Variants in SLC24A2 observed in about 807,000 individuals in gnomAD.
SLC24A2 encodes solute carrier family 24 member 2.
A neutral mutation model predicts 62.0 loss-of-function variants in SLC24A2; 36 were observed. That is an observed-to-expected ratio of 0.58 (90% CI 0.44 to 0.77). The LOEUF is 0.77. Among genes scored for constraint, SLC24A2 ranks in the 30% least tolerant of loss-of-function variants. The pLI, the probability that SLC24A2 is intolerant of heterozygous loss-of-function variation, is 0.00. For missense variants in SLC24A2, 846 were observed against 817.9 expected (o/e 1.03, Z -0.42); for synonymous variants, 358 against 294.0 (o/e 1.22, Z -2.23).
At chr9:19,575,641 C>T (rs1191743695) in intron 6 of SLC24A2, among the ~76,000 whole-genome samples, 1 of 152,160 alleles carries the variant, frequency 6.6e-6, no homozygotes, top group African/African-American at 2.4e-5. Context: ...TCATTGAGAG[C>T]CCCAATAACA....
At chr9:19,904,538 C>T in the SLC24A2 span, among the ~76,000 whole-genome samples, 1 of 152,074 alleles carries the variant, frequency 6.6e-6, no homozygotes, top group Non-Finnish European at 1.5e-5. Context: ...TTTTCTTTGC[C>T]CATTTGAAAA....
At chr9:19,975,085 G>A in the SLC24A2 span, among the ~76,000 whole-genome samples, 1 of 152,060 alleles carries the variant, frequency 6.6e-6, no homozygotes, top group African/African-American at 2.4e-5. Flanking sequence ...GGAGGGTAAT[G>A]GAATAACCAA....
rs1187758568 is a variant in SLC24A2 at position 19,566,120 on chromosome 9, C to T, written c.1347+7231G>A. Among the ~76,000 whole-genome samples, 7 of 152,144 alleles carry T rather than the reference C, an allele frequency of 4.6e-5. No homozygotes were observed. The South Asian group carries it at 1.0e-3, about 23-fold the overall frequency. On this transcript the variant is annotated intron_variant, in intron 7 of 10. Coordinates refer to ENST00000341998, the MANE Select transcript of SLC24A2 (RefSeq NM_020344.4). ...AGAAGTCAAAATTGACAAATGGAAT[C>T]GAATTAAACTAAGGAGCTTCTGCAC...
At chr9:19,691,605 G>A (rs1458746029) in intron 2 of SLC24A2, among the ~76,000 whole-genome samples, 1 of 152,098 alleles carries the variant, frequency 6.6e-6, no homozygotes, top group African/African-American at 2.4e-5. Context: ...CTTCCTCGTT[G>A]CTTCTAAGCA....
chr9:19,735,086 G>A (rs1338018629), intron 2 of SLC24A2, among the ~76,000 whole-genome samples: 5 of 151,886 alleles, frequency 3.3e-5, no homozygotes, highest in Admixed American at 6.6e-5. Context: ...CTACAGAATG[G>A]GAGAAAATTT....
At chr9:20,073,513 C>T in the SLC24A2 span, among the ~76,000 whole-genome samples, 1 of 152,104 alleles carries the variant, frequency 6.6e-6, no homozygotes, top group African/African-American at 2.4e-5. Context: ...GGGAATTATA[C>T]TGGGTGTGTA....
intron 2 of SLC24A2, among the ~76,000 whole-genome samples, chr9:19,633,451 A>T (rs1818227717): frequency 6.6e-6 from 1 of 152,252 alleles, no homozygotes; most frequent in Non-Finnish European, 1.5e-5. Flanking sequence ...GCTTTCTAGT[A>T]GCAATTGATA....
At chr9:19,755,629 C>A (rs1364223832) in intron 2 of SLC24A2, among the ~76,000 whole-genome samples, 1 of 152,128 alleles carries the variant, frequency 6.6e-6, no homozygotes, top group Non-Finnish European at 1.5e-5. Context: ...GGCAAATGCT[C>A]CATTTTCCTC....
the SLC24A2 span, among the ~76,000 whole-genome samples, chr9:19,880,486 T>C: frequency 6.6e-6 from 1 of 152,182 alleles, no homozygotes; most frequent in African/African-American, 2.4e-5. Flanking sequence ...TGGGGCTGCT[T>C]TTTCTTAGCA....
At chr9:19,576,856 G>T in intron 6 of SLC24A2, 68 bp downstream of exon 6, 1 of 1,172,644 alleles carries the variant, frequency 8.5e-7, no homozygotes, top group Non-Finnish European at 1.3e-6. Flanking sequence ...TGCCCACACT[G>T]GTCCTGACTC....
chr9:20,291,024 C>T, the SLC24A2 span, among the ~76,000 whole-genome samples: 5 of 152,226 alleles, frequency 3.3e-5, no homozygotes, highest in Admixed American at 1.3e-4. Flanking sequence ...TTCAGCCCCA[C>T]TCACCCTCTT....
the SLC24A2 span, among the ~76,000 whole-genome samples, chr9:20,259,762 G>A: frequency 5.9e-5 from 9 of 152,138 alleles, no homozygotes; most frequent in South Asian, 4.1e-4. Flanking sequence ...CAAAACTTGC[G>A]TTAAAATTTA....
At chr9:20,181,539 G>C in the SLC24A2 span, among the ~76,000 whole-genome samples, 1 of 152,272 alleles carries the variant, frequency 6.6e-6, no homozygotes, top group South Asian at 2.1e-4. Context: ...ATGGGGAAAG[G>C]ATTGCCTATT....
chr9:20,176,958 C>T, the SLC24A2 span, among the ~76,000 whole-genome samples: 76 of 152,038 alleles, frequency 5.0e-4, 1 homozygote, highest in Middle Eastern at 3.4e-3. Context: ...ATCCATTGTT[C>T]CTTATATGTT....
the SLC24A2 span, among the ~76,000 whole-genome samples, chr9:19,955,387 T>C: frequency 6.6e-6 from 1 of 151,668 alleles, no homozygotes; most frequent in African/African-American, 2.4e-5. Context: ...GTTTTTTTTT[T>C]TTTTGTTTTC....
the SLC24A2 span, among the ~76,000 whole-genome samples, chr9:20,161,905 T>C: frequency 6.6e-6 from 1 of 151,704 alleles, no homozygotes; most frequent in Non-Finnish European, 1.5e-5. Flanking sequence ...CGCTACTGTT[T>C]AATATTTTAC....
chr9:20,139,285 C>G, the SLC24A2 span, among the ~76,000 whole-genome samples: 2 of 152,136 alleles, frequency 1.3e-5, no homozygotes, highest in Non-Finnish European at 2.9e-5. Context: ...CCAGGGCTAC[C>G]CCTTACTCCC....
the SLC24A2 span, among the ~76,000 whole-genome samples, chr9:20,230,180 G>C: frequency 6.6e-6 from 1 of 152,080 alleles, no homozygotes; most frequent in Non-Finnish European, 1.5e-5. Context: ...GGTGAATAGT[G>C]CCACTATAAA....
At chr9:19,965,476 T>C in the SLC24A2 span, among the ~76,000 whole-genome samples, 2 of 152,208 alleles carry the variant, frequency 1.3e-5, no homozygotes, top group South Asian at 4.1e-4. Flanking sequence ...ATCATACTGA[T>C]GCATTCCAGC....
Sources: allele counts gnomAD v4.1 joint callset (sites outside exome capture counted in the v4.1 genomes callset), GRCh38; gene constraint gnomAD v4.1.1; transcripts MANE v1.5; gene names NCBI Gene and HGNC (gene_info 2026-07-23, HGNC 2026-07-21).